DAAM1: variants seen among roughly 807,000 people sequenced by gnomAD.
The protein encoded by DAAM1 is dishevelled associated activator of morphogenesis 1, also known as disheveled-associated activator of morphogenesis 1.
In DAAM1, 52 loss-of-function variants were observed where a neutral mutation model predicts 130.0. That is an observed-to-expected ratio of 0.40 (90% CI 0.32 to 0.50). The LOEUF is 0.50. DAAM1 is among the 20% of genes least tolerant of loss of function. The pLI, the probability that DAAM1 is intolerant of heterozygous loss-of-function variation, is 0.61. For missense variants in DAAM1, 1,134 were observed against 1,303.8 expected, an observed-to-expected ratio of 0.87 and a Z score of 2.01; for synonymous variants, 452 against 444.5, an observed-to-expected ratio of 1.02 and a Z score of -0.21.
At chr14:59,208,443 C>A (rs140345306) in intron 1 of DAAM1, among the ~76,000 whole-genome samples, 2 of 152,170 alleles carry the variant, frequency 1.3e-5, no homozygotes, top group Admixed American at 1.3e-4. Context: ...AGGCCATGGC[C>A]GGACTCCCCA....
At chr14:59,314,044 A>G (rs1487335745) in intron 3 of DAAM1, among the ~76,000 whole-genome samples, 2 of 152,164 alleles carry the variant, frequency 1.3e-5, no homozygotes, top group Non-Finnish European at 2.9e-5. Context: ...TTGAAATTGC[A>G]TTTCTTTTAT....
At chr14:59,238,448 C>T (rs558431064) in intron 1 of DAAM1, among the ~76,000 whole-genome samples, 9 of 152,218 alleles carry the variant, frequency 5.9e-5, no homozygotes, top group African/African-American at 1.9e-4. Flanking sequence ...TCAGCTAGGT[C>T]GTCAGCTCCA....
chr14:59,260,199 G>A (rs1481897187), intron 1 of DAAM1, among the ~76,000 whole-genome samples: 1 of 152,278 alleles, frequency 6.6e-6, no homozygotes, highest in East Asian at 1.9e-4. Flanking sequence ...GGATATTTTT[G>A]ATAGGAACAT....
chr14:59,231,068 G>C (rs1319765025), intron 1 of DAAM1, among the ~76,000 whole-genome samples: 1 of 152,124 alleles, frequency 6.6e-6, no homozygotes, highest in African/African-American at 2.4e-5. Flanking sequence ...GTGATGTACT[G>C]AACATGGGAA....
At chr14:59,239,765 C>T (rs556266134) in intron 1 of DAAM1, among the ~76,000 whole-genome samples, 43 of 152,160 alleles carry the variant, frequency 2.8e-4, no homozygotes, top group Admixed American at 2.2e-3. Flanking sequence ...AATGACAGGG[C>T]GGGGGCCAGG....
At chr14:59,266,328 A>T (rs1882440321) in intron 2 of DAAM1, among the ~76,000 whole-genome samples, 3 of 152,078 alleles carry the variant, frequency 2.0e-5, no homozygotes, top group Admixed American at 2.0e-4. Flanking sequence ...TAGAGCTGGT[A>T]GGCAGAGCTG....
At chr14:59,338,847 GTAC>G (rs1885735076) in intron 15 of DAAM1, among the ~76,000 whole-genome samples, 1 of 152,086 alleles carries the variant, frequency 6.6e-6, no homozygotes, top group Non-Finnish European at 1.5e-5. Flanking sequence ...TAGTTATCAA[GTAC>G]TTTTTATAGA....
intron 5 of DAAM1, among the ~76,000 whole-genome samples, chr14:59,321,277 A>G (rs927119147): frequency 1.3e-5 from 2 of 152,208 alleles, no homozygotes; most frequent in Non-Finnish European, 2.9e-5. Flanking sequence ...ATAGAAACAG[A>G]AAGTAGATTA....
intron 3 of DAAM1, among the ~76,000 whole-genome samples, chr14:59,304,884 C>T (rs1279722591): frequency 2.6e-5 from 4 of 152,214 alleles, no homozygotes; most frequent in Non-Finnish European, 4.4e-5. Flanking sequence ...CCCTGATTCT[C>T]CTTTTAGCTT....
chr14:59,198,121 A>C (rs1887965077), intron 1 of DAAM1, among the ~76,000 whole-genome samples: 1 of 151,808 alleles, frequency 6.6e-6, no homozygotes. Flanking sequence ...AACAGAAATC[A>C]TGCGTACACT....
rs1000402504 is a variant in DAAM1, at chr14:59,368,654, A to C, written c.3002A>C (p.Lys1001Thr). Residue 1001 changes from lysine to threonine, a missense_variant, in exon 25 of 25, where the codon AAA (lysine) becomes ACA (threonine). Physicochemically the swap from Lys to Thr is moderately conservative, Grantham distance 78. Transcript: ENST00000360909. The part of the protein sequence containing the change: ...ERRARMEAQL[K>T]EQRERERKMR... Reference sequence around the variant, plus strand: ...GTTATTTCTTTCTATTTGCAGCTCAAAGAACAACGTGAAAGGGAACGTAAA... The same window carrying C: ...GTTATTTCTTTCTATTTGCAGCTCACAGAACAACGTGAAAGGGAACGTAAA... The C allele has an allele frequency of 1.9e-6, 3 of 1,612,192 alleles. No homozygotes were observed. The highest frequency in any genetic ancestry group is 2.5e-6 in the Non-Finnish European group (3 of 1,179,048).
At chr14:59,286,138 C>G (rs1267124807) in intron 2 of DAAM1, among the ~76,000 whole-genome samples, 3 of 151,974 alleles carry the variant, frequency 2.0e-5, no homozygotes, top group East Asian at 1.9e-4. Context: ...CCATAAAAAT[C>G]ACATGGAAGT....
At position 59,368,962 on chromosome 14, in the gene DAAM1, C is replaced by T. The variant is rs1887032935; in HGVS notation, c.*103C>T. On this transcript the variant is annotated 3_prime_UTR_variant, in exon 25 of 25. Coordinates refer to ENST00000360909, the MANE Select transcript of DAAM1 (RefSeq NM_001270520.2). ...GCAATCCAAACAGTGGCAATTTTTT[C>T]CTTCATCTGTGAGTGAATGTGTGAA... The T allele has an allele frequency of 9.5e-7, 1 of 1,054,626 alleles. No homozygotes were observed. The highest frequency in any genetic ancestry group is 1.4e-6 in the Non-Finnish European group (1 of 735,022). 65.3% of individuals were successfully genotyped at this position (1,054,626 alleles called of 1,614,324 possible).
rs572796265 is a variant in DAAM1, at chr14:59,195,106, G to GT, written c.-38+6343dup. On this transcript the variant is annotated intron_variant, in intron 1 of 24. Transcript: ENST00000360909. ...TTTGAACAGACATTGATTTCAGAAG[G>GT]TTTTTCTTTTTTCTTAATCATTCAT... Among the ~76,000 whole-genome samples, 7 of 147,118 alleles carry GT rather than the reference G, an allele frequency of 4.8e-5. No individual in the cohort carries two copies. In the South Asian group the frequency reaches 1.5e-3, roughly 32 times the overall value.
At chr14:59,298,753 C>T (rs1032738483) in intron 3 of DAAM1, among the ~76,000 whole-genome samples, 7 of 152,152 alleles carry the variant, frequency 4.6e-5, no homozygotes, top group African/African-American at 1.7e-4. Flanking sequence ...TTTGCCTCCT[C>T]TTCCTCTAAT....
At chr14:59,331,073 T>A in intron 13 of DAAM1, 136 bp from the exon 14 acceptor site, 2 of 1,433,608 alleles carry the variant, frequency 1.4e-6, no homozygotes, top group Non-Finnish European at 1.9e-6. Context: ...CCATTCGACT[T>A]TACCGATCCT....
At position 59,369,069 on chromosome 14, in the gene DAAM1, G is replaced by A. The variant is rs1038726174; in HGVS notation, c.*210G>A. 4 of 512,738 alleles carry A rather than the reference G, an allele frequency of 7.8e-6. No individual in the cohort carries two copies. The highest frequency in any genetic ancestry group is 7.8e-5 in the African/African-American group (4 of 51,396). The allele number at this position is 512,738 out of a possible 1,614,324, so 31.8% of individuals were successfully genotyped here. A position where few individuals can be genotyped will look rare whatever the true frequency, so the allele number is the denominator to read the frequency against. On this transcript the variant is annotated 3_prime_UTR_variant, in exon 25 of 25. Transcript: ENST00000360909. ...TGTTGTCTGGAGACCTATACGTATGGTTAAAAAGATTTATGTTAATGTATG... is the reference window on the plus strand; with the variant it reads ...TGTTGTCTGGAGACCTATACGTATGATTAAAAAGATTTATGTTAATGTATG...
At chr14:59,189,533 T>C (rs1459261201) in intron 1 of DAAM1, among the ~76,000 whole-genome samples, 1 of 151,736 alleles carries the variant, frequency 6.6e-6, no homozygotes, top group Non-Finnish European at 1.5e-5. Context: ...GGTCCCTTGG[T>C]GTAGAGCACC....
intron 1 of DAAM1, among the ~76,000 whole-genome samples, chr14:59,192,154 GT>G (rs1887752464): frequency 4.8e-5 from 3 of 62,150 alleles, no homozygotes; most frequent in African/African-American, 1.7e-4. Context: ...TAAGGGGTGT[GT>G]GTGTGTGTGT....
Sources: allele counts gnomAD v4.1 joint callset (sites outside exome capture counted in the v4.1 genomes callset), GRCh38; gene constraint gnomAD v4.1.1; transcripts MANE v1.5; gene names NCBI Gene and HGNC (gene_info 2026-07-23, HGNC 2026-07-21).